USP13: variants seen among roughly 807,000 people sequenced by gnomAD.
USP13 encodes ubiquitin carboxyl-terminal hydrolase 13.
Under a neutral mutation model 107.8 loss-of-function variants are expected in USP13, and 68 were observed. The observed-to-expected ratio is 0.63, with a 90% CI of 0.52 to 0.77. USP13 has a LOEUF of 0.77. Among genes scored for constraint, USP13 ranks in the 30% least tolerant of loss-of-function variants. USP13 has a pLI of 0.00. For synonymous variants in USP13, 377 were observed against 389.5 expected, an observed-to-expected ratio of 0.97 and a Z score of 0.38; for missense variants, 945 against 1,093.3, an observed-to-expected ratio of 0.86 and a Z score of 1.91.
At chr3:179,765,622 T>C (rs1715146875) in intron 18 of USP13, 73 bp from the exon 19 acceptor site, 9 of 1,535,678 alleles carry the variant, frequency 5.9e-6, no homozygotes, top group Non-Finnish European at 7.0e-6. Flanking sequence ...GACATCTAGT[T>C]GAAATGGTCA....
chr3:179,659,448 T>TG (rs913651745), intron 1 of USP13, among the ~76,000 whole-genome samples: 1 of 152,128 alleles, frequency 6.6e-6, no homozygotes, highest in Non-Finnish European at 1.5e-5. Context: ...TCAGAAGATC[T>TG]GGGGGTGGGG....
In USP13 at chr3:179,678,263, T is replaced by G. The variant is rs551990164; in HGVS notation, c.169-3615T>G. 6.6e-6 allele frequency among the ~76,000 whole-genome samples: 1 copy of G among 152,374 alleles called. No homozygotes were observed. Among genetic ancestry groups the G allele is most frequent in the East Asian group, 1.9e-4 (1 of 5,186 alleles). On this transcript the variant is annotated intron_variant, in intron 1 of 20. Coordinates refer to ENST00000263966, the MANE Select transcript of USP13 (RefSeq NM_003940.3). The surrounding 1 kb of genome is among the most constrained non-coding windows in gnomAD (Gnocchi z 4.2). Reference sequence around the variant, plus strand: ...AATGAATAATTGACTATTATAGTGATGCAGTATGTTTTTCTTAGGAGGTCT... The same window carrying G: ...AATGAATAATTGACTATTATAGTGAGGCAGTATGTTTTTCTTAGGAGGTCT...
intron 1 of USP13, among the ~76,000 whole-genome samples, chr3:179,668,010 T>C (rs1204628099): frequency 6.6e-6 from 1 of 152,106 alleles, no homozygotes; most frequent in African/African-American, 2.4e-5. Context: ...AGTAAGTTTA[T>C]AGTGTAGTCA....
At chr3:179,686,449 G>A (rs1378507640) in intron 2 of USP13, among the ~76,000 whole-genome samples, 1 of 152,182 alleles carries the variant, frequency 6.6e-6, no homozygotes, top group African/African-American at 2.4e-5. Flanking sequence ...TGGAATGGTG[G>A]CGCATGCCTT....
chr3:179,762,399 G>A (rs1313795046), intron 17 of USP13, among the ~76,000 whole-genome samples: 2 of 152,194 alleles, frequency 1.3e-5, no homozygotes, highest in African/African-American at 2.4e-5. Flanking sequence ...TGGCCAACAT[G>A]GTGAAACCCC....
At position 179,653,458 on chromosome 3, in the gene USP13, G is replaced by T. The variant is rs1051215718; in HGVS notation, c.168+65G>T. The T allele has an allele frequency of 5.9e-6, 9 of 1,520,596 alleles. No homozygotes were observed. Among genetic ancestry groups the T allele is most frequent in the African/African-American group, 4.2e-5 (3 of 71,666 alleles). 94.2% of individuals were successfully genotyped at this position (1,520,596 alleles called of 1,614,324 possible). A position where few individuals can be genotyped will look rare whatever the true frequency, so the allele number is the denominator to read the frequency against. On this transcript the variant is annotated intron_variant, in intron 1 of 20. Coordinates refer to ENST00000263966, the MANE Select transcript of USP13 (RefSeq NM_003940.3). This position sits in a 1 kb window ranked among gnomAD's most constrained non-coding sequence, Gnocchi z 4.0. ...GCCTGCGGCACGTGAAGCCGGGGGAGAAGATGCGCAGTGGCGGCCGGGACC... is the reference window on the plus strand; with the variant it reads ...GCCTGCGGCACGTGAAGCCGGGGGATAAGATGCGCAGTGGCGGCCGGGACC...
intron 20 of USP13, among the ~76,000 whole-genome samples, chr3:179,782,189 C>T (rs1405846753): frequency 7.2e-5 from 11 of 152,068 alleles, no homozygotes; most frequent in Admixed American, 7.2e-4. Flanking sequence ...CCAGGATGCC[C>T]TATTAAATTT....
Position 179,707,081 on chromosome 3 carries a change from G to C in USP13, c.620+5G>C, listed in dbSNP as rs1362254714. The C allele has an allele frequency of 6.2e-7, 1 of 1,612,056 alleles. No individual in the cohort carries two copies. Among genetic ancestry groups the C allele is most frequent in the East Asian group, 2.2e-5 (1 of 44,854 alleles). ...TGGAGTCAGGATTCCTCCAAGGTGA[G>C]AGTCAGATAGCAGAATGGAACTTTA... On this transcript the variant is annotated splice_donor_5th_base_variant and intron_variant, in intron 5 of 20. Coordinates refer to ENST00000263966, the MANE Select transcript of USP13 (RefSeq NM_003940.3).
chr3:179,754,661 AG>A, intron 14 of USP13, 70 bp from the exon 15 acceptor site: 13 of 1,538,034 alleles, frequency 8.5e-6, no homozygotes, highest in Non-Finnish European at 1.1e-5. Flanking sequence ...ATGCATGTAG[AG>A]TTATAGTGCT....
chr3:179,783,352 AAC>A lies in USP13; in HGVS notation c.2499-691_2499-690del, dbSNP rs200338163. ...TATGCACACATACTACATATAAATA[AAC>A]ACACGTATTTACAACTTAACTAAAA... is the stretch of plus-strand genomic sequence containing the variant. On this transcript the variant is annotated intron_variant, in intron 20 of 20. Coordinates refer to ENST00000263966, the MANE Select transcript of USP13 (RefSeq NM_003940.3). 2.9e-3 allele frequency among the ~76,000 whole-genome samples: 440 copies of A among 152,322 alleles called. 9 individuals carry two copies. Among genetic ancestry groups the A allele is most frequent in the Admixed American group, 0.02 (306 of 15,294 alleles).
At chr3:179,752,244 T>C (rs773194720) in intron 13 of USP13, 41 bp from the exon 14 acceptor site, 1 of 1,562,306 alleles carries the variant, frequency 6.4e-7, no homozygotes, top group South Asian at 1.1e-5. Context: ...TCACAATTCT[T>C]ATTGCCTTGT....
rs895245712 is a variant in USP13 at position 179,714,869 on chromosome 3, T to C, written c.806-5071T>C. 2.5e-4 allele frequency among the ~76,000 whole-genome samples: 11 copies of C among 44,844 alleles called. No individual in the cohort carries two copies. In the East Asian group the frequency reaches 4.1e-3, roughly 17 times the overall value. The allele number at this position is 44,844 out of a possible 152,430, so 29.4% of individuals were successfully genotyped here. A position where few individuals can be genotyped will look rare whatever the true frequency, so the allele number is the denominator to read the frequency against. The stretch of plus-strand genomic sequence containing the variant: ...TGGCGGTTCTCTTTCTTTTCCTTTT[T>C]CTTTTTTTTTTTTTTGTTTGAGGCA... On this transcript the variant is annotated intron_variant, in intron 6 of 20. Transcript: ENST00000263966.
intron 1 of USP13, among the ~76,000 whole-genome samples, chr3:179,674,727 A>G (rs375321963): frequency 1.3e-5 from 2 of 151,956 alleles, no homozygotes; most frequent in African/African-American, 4.8e-5. Flanking sequence ...TTTATATTGT[A>G]GGAGAGGATA....
chr3:179,675,062 C>T (rs1720854463), intron 1 of USP13, among the ~76,000 whole-genome samples: 1 of 151,926 alleles, frequency 6.6e-6, no homozygotes, highest in Admixed American at 6.6e-5. Context: ...GTAGTCCCAG[C>T]TACTCGGGAG....
chr3:179,761,136 T>C lies in USP13; in HGVS notation c.1973T>C (p.Val658Ala), dbSNP rs1714996063. Residue 658 changes from valine (V) to alanine (A), a missense_variant, in exon 17 of 21, where the codon GTG becomes GCG. Transcript: ENST00000263966. ...IDPSDIDESSVMQLAEMGFPL... is the reference protein window; with the variant it reads ...IDPSDIDESSAMQLAEMGFPL... ...GCATCAGACATCGATGAGTCATCAG[T>C]GATGCAGCTGGCCGAGATGGGTTTC... 6.2e-7 allele frequency: 1 copy of C among 1,614,218 alleles called. No individual in the cohort carries two copies.
At chr3:179,668,164 AT>A (rs1720640610) in intron 1 of USP13, among the ~76,000 whole-genome samples, 1 of 151,882 alleles carries the variant, frequency 6.6e-6, no homozygotes, top group Non-Finnish European at 1.5e-5. Flanking sequence ...TTCAACATTT[AT>A]TTATTTATAT....
chr3:179,770,609 A>AT (rs34708974), intron 19 of USP13, among the ~76,000 whole-genome samples: 17,835 of 145,826 alleles, frequency 0.12, 1,454 homozygotes, highest in African/African-American at 0.23. Flanking sequence ...TGACTTGAGA[A>AT]TTTTTTTTTT....
In USP13 at chr3:179,742,095, A is replaced by G. The variant is rs1714220566; in HGVS notation, c.1381-102A>G. 3 of 1,429,366 alleles carry G rather than the reference A, an allele frequency of 2.1e-6. No homozygotes were observed. The African/African-American group carries it at 4.2e-5, about 20-fold the overall frequency. The allele number at this position is 1,429,366 out of a possible 1,614,324, so 88.5% of individuals were successfully genotyped here. ...ATGGGCATGGCCAGAGGAAATGTTTAATAAAGCCAAGTGTTTACACCGGGT... is the reference window on the plus strand; with the variant it reads ...ATGGGCATGGCCAGAGGAAATGTTTGATAAAGCCAAGTGTTTACACCGGGT... On this transcript the variant is annotated intron_variant, in intron 11 of 20. Coordinates refer to ENST00000263966, the MANE Select transcript of USP13 (RefSeq NM_003940.3). This position sits in a 1 kb window ranked among gnomAD's most constrained non-coding sequence, Gnocchi z 5.0.
chr3:179,709,647 A>G (rs925303495), intron 6 of USP13, among the ~76,000 whole-genome samples: 2 of 152,202 alleles, frequency 1.3e-5, no homozygotes, highest in Admixed American at 1.3e-4. Context: ...AAAGGCAATA[A>G]TATCAGGATC....
Sources: gnomAD v4.1 joint callset for allele counts (sites outside exome capture counted in the v4.1 genomes callset) on GRCh38, gnomAD v4.1.1 for gene constraint, Gnocchi (gnomAD v3.1) non-coding constraint, MANE v1.5 for transcripts, NCBI Gene and HGNC (gene_info 2026-07-23, HGNC 2026-07-21) for gene names.